DCDC1: variants seen among roughly 807,000 people sequenced by gnomAD.
DCDC1 encodes the protein doublecortin domain-containing protein 1.
Under a neutral mutation model 178.3 loss-of-function variants are expected in DCDC1, and 200 were observed. That is an observed-to-expected ratio of 1.12 (90% CI 1.00 to 1.26). The LOEUF is 1.26. DCDC1 is among the 50% of genes most tolerant of loss of function. DCDC1 has a pLI of 0.00. For synonymous variants in DCDC1, 690 were observed against 604.8 expected, an observed-to-expected ratio of 1.14 and a Z score of -2.07; for missense variants, 1,983 against 1,749.2, an observed-to-expected ratio of 1.13 and a Z score of -2.38.
chr11:31,207,458 A>T (rs1971991608), intron 9 of DCDC1, among the ~76,000 whole-genome samples: 1 of 152,124 alleles, frequency 6.6e-6, no homozygotes, highest in African/African-American at 2.4e-5. Flanking sequence ...TTCTGTTCCT[A>T]GCTAAAACAG....
intron 11 of DCDC1, among the ~76,000 whole-genome samples, chr11:31,112,812 C>T (rs1959208100): frequency 6.6e-6 from 1 of 152,086 alleles, no homozygotes; most frequent in South Asian, 2.1e-4. Flanking sequence ...TAGATTAACA[C>T]CGAAGTTTCA....
At chr11:31,290,991 C>G (rs1237257057) in intron 6 of DCDC1, 139 bp from the exon 7 acceptor site, 1 of 740,224 alleles carries the variant, frequency 1.4e-6, no homozygotes, top group Non-Finnish European at 2.1e-6. Context: ...GAAATGCTAC[C>G]ACCAGTTTCT....
At chr11:31,235,265 C>T (rs914096018) in intron 9 of DCDC1, among the ~76,000 whole-genome samples, 8 of 151,712 alleles carry the variant, frequency 5.3e-5, no homozygotes, top group East Asian at 3.9e-4. Context: ...ACATAAAAAG[C>T]AAATACATCA....
intron 17 of DCDC1, among the ~76,000 whole-genome samples, chr11:31,082,659 ATAATACATTTACACATATATATGTGTG>A (rs1300392155): frequency 7.2e-5 from 11 of 152,140 alleles, no homozygotes; most frequent in South Asian, 2.1e-4. Flanking sequence ...ATATATGTGC[ATAATACATTTACACATATATATGTGTG>A]TAATACATTT....
chr11:31,154,450 A>T (rs1965516552), intron 9 of DCDC1, among the ~76,000 whole-genome samples: 1 of 152,200 alleles, frequency 6.6e-6, no homozygotes, highest in South Asian at 2.1e-4. Context: ...TTAATTATGC[A>T]GGGTGCTATC....
chr11:31,360,881 A>G (rs1040870330), intron 1 of DCDC1, among the ~76,000 whole-genome samples: 1 of 152,214 alleles, frequency 6.6e-6, no homozygotes, highest in African/African-American at 2.4e-5. Flanking sequence ...TACTCTATAG[A>G]TAAAGGAGGT....
chr11:31,328,276 G>C lies in DCDC1; in HGVS notation c.5C>G (p.Ala2Gly), dbSNP rs779907614. ...TCTGTGATCTTCTGCTCCTGTTTTT[G>C]CCATTTTCAGCTAAAAATGATAAAG... M[A>G]KTGAEDHREA... Residue 2 changes from alanine (A) to glycine (G), a missense_variant, in exon 3 of 39, where the codon GCA becomes GGA. Physicochemically the swap from Ala to Gly is moderately conservative, Grantham distance 60. Coordinates refer to ENST00000684477, the MANE Select transcript of DCDC1 (RefSeq NM_001387274.1). 14 of 1,552,090 alleles carry C rather than the reference G, an allele frequency of 9.0e-6. No individual in the cohort carries two copies. Among genetic ancestry groups the C allele is most frequent in the Non-Finnish European group, 1.1e-5 (13 of 1,145,850 alleles).
intron 3 of DCDC1, among the ~76,000 whole-genome samples, chr11:31,314,183 C>T (rs1401971931): frequency 6.6e-6 from 1 of 152,176 alleles, no homozygotes; most frequent in Non-Finnish European, 1.5e-5. Flanking sequence ...TTCTGTCAAA[C>T]ATTTCAATTT....
At chr11:31,101,747 T>C (rs1196732585) in intron 15 of DCDC1, among the ~76,000 whole-genome samples, 1 of 148,478 alleles carries the variant, frequency 6.7e-6, no homozygotes, top group Non-Finnish European at 1.5e-5. Context: ...AAATAATTTA[T>C]AGTTTAAAAA....
chr11:31,101,464 G>T (rs1958498554), intron 15 of DCDC1, among the ~76,000 whole-genome samples: 1 of 152,050 alleles, frequency 6.6e-6, no homozygotes, highest in South Asian at 2.1e-4. Context: ...GTTTCCTAAA[G>T]AACTTGTGTT....
intron 18 of DCDC1, among the ~76,000 whole-genome samples, chr11:31,067,059 C>A (rs1482156885): frequency 6.6e-6 from 1 of 151,976 alleles, no homozygotes; most frequent in Non-Finnish European, 1.5e-5. Flanking sequence ...TAAGGGGCTC[C>A]ACCAAAAGCA....
chr11:31,230,370 GA>G (rs1437073880), intron 9 of DCDC1, among the ~76,000 whole-genome samples: 3 of 149,330 alleles, frequency 2.0e-5, no homozygotes, highest in South Asian at 2.1e-4. Flanking sequence ...GAAAAAAATA[GA>G]AAAAAAAAGA....
intron 9 of DCDC1, among the ~76,000 whole-genome samples, chr11:31,178,054 T>C (rs1968300483): frequency 1.3e-5 from 2 of 152,172 alleles, no homozygotes; most frequent in Non-Finnish European, 1.5e-5. Flanking sequence ...TTACAAAACA[T>C]TTCATAAAAC....
At chr11:31,299,568 A>G (rs145198654) in intron 6 of DCDC1, among the ~76,000 whole-genome samples, 1 of 152,130 alleles carries the variant, frequency 6.6e-6, no homozygotes, top group Admixed American at 6.5e-5. Context: ...AAAGCCTTTA[A>G]CTCACATTCC....
At chr11:31,213,477 T>C (rs541163136) in intron 9 of DCDC1, among the ~76,000 whole-genome samples, 1 of 151,952 alleles carries the variant, frequency 6.6e-6, no homozygotes, top group Admixed American at 6.6e-5. Flanking sequence ...ATCCCAGCAC[T>C]TTGGGAGGCC....
chr11:31,327,340 T>C (rs1949702396), intron 3 of DCDC1, among the ~76,000 whole-genome samples: 1 of 151,948 alleles, frequency 6.6e-6, no homozygotes, highest in Non-Finnish European at 1.5e-5. Context: ...TGCTAATTTT[T>C]TGTATTTTCA....
At chr11:31,214,549 CA>C (rs1430875509) in intron 9 of DCDC1, among the ~76,000 whole-genome samples, 1 of 151,898 alleles carries the variant, frequency 6.6e-6, no homozygotes, top group East Asian at 1.9e-4. Context: ...ACCACGCCCT[CA>C]ATGAGCATTA....
chr11:30,950,006 T>TA (rs1220590583), intron 21 of DCDC1, among the ~76,000 whole-genome samples: 1 of 151,822 alleles, frequency 6.6e-6, no homozygotes, highest in Non-Finnish European at 1.5e-5. Context: ...AGTATAATAA[T>TA]AAAAAATGGG....
intron 21 of DCDC1, among the ~76,000 whole-genome samples, chr11:30,936,169 G>C (rs1041905321): frequency 6.6e-6 from 1 of 152,130 alleles, no homozygotes; most frequent in African/African-American, 2.4e-5. Context: ...GGGATGACAG[G>C]GTGGAGGATA....
Sources: allele counts gnomAD v4.1 joint callset (sites outside exome capture counted in the v4.1 genomes callset), GRCh38; gene constraint gnomAD v4.1.1; transcripts MANE v1.5; gene names NCBI Gene and HGNC (gene_info 2026-07-23, HGNC 2026-07-21).